Variants in PITPNB observed in about 807,000 individuals in gnomAD.
The protein encoded by PITPNB is phosphatidylinositol transfer protein beta isoform.
In PITPNB, 16 loss-of-function variants were observed where a neutral mutation model predicts 45.9. That is an observed-to-expected ratio of 0.35 (90% CI 0.24 to 0.53). PITPNB has a LOEUF of 0.53. Among genes scored for constraint, PITPNB ranks in the 20% least tolerant of loss-of-function variants. The pLI is 0.93. For missense variants in PITPNB, 188 were observed against 330.5 expected (o/e 0.57, Z 3.34); for synonymous variants, 112 against 108.9 (o/e 1.03, Z -0.18).
chr22:27,900,887 CA>C (rs1782591634), intron 3 of PITPNB, among the ~76,000 whole-genome samples: 1 of 152,130 alleles, frequency 6.6e-6, no homozygotes, highest in Non-Finnish European at 1.5e-5. Flanking sequence ...ACTGAATGAA[CA>C]ATAGTAAGGC....
At chr22:27,879,400 T>G in intron 7 of PITPNB, among the ~76,000 whole-genome samples, 1 of 152,148 alleles carries the variant, frequency 6.6e-6, no homozygotes, top group South Asian at 2.1e-4. Flanking sequence ...TGGAGCAAGC[T>G]CTTGAGATTC....
chr22:27,916,935 G>A (rs983884724), intron 1 of PITPNB, among the ~76,000 whole-genome samples: 1 of 152,200 alleles, frequency 6.6e-6, no homozygotes, highest in African/African-American at 2.4e-5. Context: ...AAGTTGACTT[G>A]AGAGTAAGAA....
At chr22:27,918,954 C>T (rs1936182400) in intron 1 of PITPNB, 2 of 711,028 alleles carry the variant, frequency 2.8e-6, no homozygotes, top group African/African-American at 1.9e-5. Context: ...GCCTTCGCCC[C>T]GGGGAAGGGA....
At chr22:27,899,569 C>T (rs779247478) in intron 3 of PITPNB, among the ~76,000 whole-genome samples, 3 of 152,122 alleles carry the variant, frequency 2.0e-5, no homozygotes, top group African/African-American at 7.2e-5. Flanking sequence ...GTGATCCGCC[C>T]GCCTTGGCCT....
intron 7 of PITPNB, among the ~76,000 whole-genome samples, chr22:27,890,008 C>G (rs966968252): frequency 5.3e-5 from 8 of 152,186 alleles, no homozygotes; most frequent in Non-Finnish European, 1.0e-4. Flanking sequence ...TCCTAAAACA[C>G]TAACTAGTCA....
chr22:27,889,468 A>G (rs1054983147), intron 7 of PITPNB, among the ~76,000 whole-genome samples: 3 of 152,182 alleles, frequency 2.0e-5, no homozygotes, highest in Admixed American at 1.3e-4. Context: ...AGAAAAATGA[A>G]GAAATAAACG....
intron 4 of PITPNB, among the ~76,000 whole-genome samples, chr22:27,897,529 G>A (rs764126048): frequency 1.3e-5 from 2 of 152,174 alleles, no homozygotes; most frequent in Admixed American, 6.5e-5. Flanking sequence ...CCTTCTGAGT[G>A]TAAACGACCT....
In PITPNB at chr22:27,904,351, G is replaced by A. The variant is rs539547878; in HGVS notation, c.198-6459C>T. 2.2e-4 allele frequency among the ~76,000 whole-genome samples: 34 copies of A among 152,270 alleles called. 1 individual carries two copies. Among genetic ancestry groups the A allele is most frequent in the African/African-American group, 7.0e-4 (29 of 41,550 alleles). On this transcript the variant is annotated intron_variant, in intron 3 of 11. Transcript: ENST00000335272. ...TAACACAGACAAGCCTTGAAAACAC[G>A]CTAAGTGAAAGAAGTCAATCACGGA...
chr22:27,912,558 G>C (rs1362423011), intron 2 of PITPNB, among the ~76,000 whole-genome samples: 4 of 151,534 alleles, frequency 2.6e-5, no homozygotes, highest in African/African-American at 9.7e-5. Context: ...CAAATGAACT[G>C]TATCCAAAAA....
In PITPNB at chr22:27,919,205, C is replaced by G; in HGVS notation, c.-14G>C. On this transcript the variant is annotated 5_prime_UTR_variant, in exon 1 of 12. Coordinates refer to ENST00000335272, the MANE Select transcript of PITPNB (RefSeq NM_012399.5). ...GATCAGCACCATCTTCCCGGAACCC[C>G]CTCACAGCTGCCGCCGATACCACCG... The G allele has an allele frequency of 1.2e-6, 2 of 1,612,184 alleles. No individual in the cohort carries two copies. Among genetic ancestry groups the G allele is most frequent in the Middle Eastern group, 1.7e-4 (1 of 6,056 alleles).
intron 5 of PITPNB, 187 bp downstream of exon 5, chr22:27,896,943 T>C (rs920165109): frequency 7.2e-5 from 46 of 637,406 alleles, no homozygotes; most frequent in Non-Finnish European, 1.2e-4. Context: ...AGGGAGATTT[T>C]GAGACAAGGG....
intron 7 of PITPNB, among the ~76,000 whole-genome samples, chr22:27,877,460 C>T (rs1439419515): frequency 6.6e-6 from 1 of 152,226 alleles, no homozygotes; most frequent in Non-Finnish European, 1.5e-5. Flanking sequence ...AAATGGATTA[C>T]TGAGTCTCCA....
chr22:27,894,227 T>C (rs1428717993), intron 7 of PITPNB: 1 of 187,494 alleles, frequency 5.3e-6, no homozygotes, highest in Non-Finnish European at 1.1e-5. Context: ...AAAAGGGACC[T>C]AGCTGGAGGG....
Position 27,853,935 on chromosome 22 carries a change from AT to A in PITPNB, c.*39-273del, listed in dbSNP as rs35748712. Among the ~76,000 whole-genome samples the A allele has an allele frequency of 2.3e-3, 343 of 149,154 alleles. 3 individuals are homozygous for A. The highest frequency in any genetic ancestry group is 7.7e-3 in the African/African-American group (313 of 40,668). On this transcript the variant is annotated intron_variant, in intron 11 of 11. Transcript: ENST00000335272. Reference sequence around the variant, plus strand: ...TTTAACAAAAGTAACAATAACTTAAATTTTTTTTTTTTTAATGAACATGGAA... The same window carrying A: ...TTTAACAAAAGTAACAATAACTTAAATTTTTTTTTTTTAATGAACATGGAA...
intron 8 of PITPNB, among the ~76,000 whole-genome samples, chr22:27,871,311 A>G (rs1381067361): frequency 6.6e-6 from 1 of 152,244 alleles, no homozygotes; most frequent in Non-Finnish European, 1.5e-5. Context: ...GAGCCCAAAC[A>G]TAAAGCCCAC....
chr22:27,872,771 T>C (rs1934706882), intron 8 of PITPNB, among the ~76,000 whole-genome samples: 1 of 152,202 alleles, frequency 6.6e-6, no homozygotes, highest in Admixed American at 6.5e-5. Context: ...GAAAATCTGC[T>C]CTGGGCATGT....
chr22:27,878,249 G>GA (rs1934874464), intron 7 of PITPNB, among the ~76,000 whole-genome samples: 1 of 152,132 alleles, frequency 6.6e-6, no homozygotes, highest in Admixed American at 6.5e-5. Flanking sequence ...GCACTGCCCT[G>GA]AATTTTCCAG....
chr22:27,882,113 A>G (rs1934990930), intron 7 of PITPNB, among the ~76,000 whole-genome samples: 1 of 152,232 alleles, frequency 6.6e-6, no homozygotes, highest in Non-Finnish European at 1.5e-5. Context: ...AGCACAAGAG[A>G]CAAGCACTGC....
chr22:27,871,717 G>C (rs903263006), intron 8 of PITPNB, among the ~76,000 whole-genome samples: 1 of 152,180 alleles, frequency 6.6e-6, no homozygotes, highest in East Asian at 1.9e-4. Context: ...ATCACTTTCT[G>C]GGTAATATAG....
Sources: gnomAD v4.1 joint callset for allele counts (sites outside exome capture counted in the v4.1 genomes callset) on GRCh38, gnomAD v4.1.1 for gene constraint, MANE v1.5 for transcripts, NCBI Gene and HGNC (gene_info 2026-07-23, HGNC 2026-07-21) for gene names.